LIPK: variants seen among roughly 807,000 people sequenced by gnomAD.
LIPK encodes the protein lipase family member K.
In LIPK, 32 loss-of-function variants were observed where a neutral mutation model predicts 48.6. The ratio of observed to expected loss-of-function variants is 0.66; its 90% CI spans 0.50 to 0.88. The LOEUF (loss-of-function observed/expected upper bound fraction) is 0.88, where lower values mean the gene tolerates loss of function less well. Among genes scored for constraint, LIPK ranks in the 40% least tolerant of loss-of-function variants. The pLI is 0.00. For missense variants in LIPK, 507 were observed against 478.5 expected (o/e 1.06, Z -0.56); for synonymous variants, 164 against 157.4 (o/e 1.04, Z -0.32).
chr10:88,717,876 T>G (rs1842149295), intron 1 of LIPK, among the ~76,000 whole-genome samples: 1 of 150,644 alleles, frequency 6.6e-6, no homozygotes, highest in South Asian at 2.1e-4. Context: ...CTTGTATTAT[T>G]TAATGTTTTT....
intron 9 of LIPK, among the ~76,000 whole-genome samples, chr10:88,748,897 A>G (rs914499818): frequency 8.6e-5 from 13 of 151,184 alleles, no homozygotes; most frequent in African/African-American, 3.2e-4. Context: ...AAAACCCCAT[A>G]GTCTCATTCT....
chr10:88,709,290 ATTTT>A (rs1841986744), intron 1 of LIPK, among the ~76,000 whole-genome samples: 1 of 150,732 alleles, frequency 6.6e-6, no homozygotes, highest in Non-Finnish European at 1.5e-5. Context: ...AAATTATTTT[ATTTT>A]TTTATTATAC....
At chr10:88,729,294 C>G (rs1269754678) in intron 3 of LIPK, among the ~76,000 whole-genome samples, 2 of 146,178 alleles carry the variant, frequency 1.4e-5, no homozygotes, top group Non-Finnish European at 3.0e-5. Flanking sequence ...TTCCCAGAAA[C>G]TATTTGCTCT....
Position 88,709,804 on chromosome 10 carries a change from C to T in LIPK, c.-12+3484C>T, listed in dbSNP as rs191965822. On this transcript the variant is annotated intron_variant, in intron 1 of 9. Transcript: ENST00000404190. ...GCCATTTATACAGCCTAGAACAATT[C>T]ACATCGTAAGATTCAGGAAAGGAGA... is the stretch of plus-strand genomic sequence containing the variant. Among the ~76,000 whole-genome samples, 141 of 152,156 alleles carry T rather than the reference C, an allele frequency of 9.3e-4. 2 individuals carry two copies. The East Asian group carries it at 0.015, about 17-fold the overall frequency.
chr10:88,744,052 G>A lies in LIPK; in HGVS notation c.960+731G>A, dbSNP rs141513774. Reference sequence around the variant, plus strand: ...GGCTCGCCAAGCACCTCTAGGTAGCGCTGGCCTTTGTTGACTGTTGAACCT... The same window carrying A: ...GGCTCGCCAAGCACCTCTAGGTAGCACTGGCCTTTGTTGACTGTTGAACCT... On this transcript the variant is annotated intron_variant, in intron 9 of 9. Transcript: ENST00000404190. Among the ~76,000 whole-genome samples the A allele has an allele frequency of 1.0e-3, 153 of 152,304 alleles. 1 individual carries two copies. The East Asian group carries it at 0.018, about 17-fold the overall frequency.
rs779080302 is a variant in LIPK at position 88,737,704 on chromosome 10, A to C, written c.739A>C (p.Asn247His). ...CCAATTCATTGCCACCAAAGTGTGC[A>C]ATCGAAAGCTATTCCGTCGTATTTG... Reference protein sequence around the residue: ...FDQFIATKVCNRKLFRRICSN... With the variant: ...FDQFIATKVCHRKLFRRICSN... Residue 247 changes from asparagine to histidine, a missense_variant, in exon 7 of 10, where the codon AAT (asparagine) becomes CAT (histidine). Asn to His is a moderately conservative substitution (Grantham distance 68). Transcript: ENST00000404190. The C allele has an allele frequency of 1.2e-6, 2 of 1,613,846 alleles. No homozygotes were observed. Among genetic ancestry groups the C allele is most frequent in the Admixed American group, 1.7e-5 (1 of 60,006 alleles).
chr10:88,742,197 A>T (rs575658064), intron 8 of LIPK, among the ~76,000 whole-genome samples: 92 of 152,328 alleles, frequency 6.0e-4, no homozygotes, highest in African/African-American at 1.9e-3. Flanking sequence ...CCCTCACCTG[A>T]CAAGTGTGGT....
At chr10:88,722,889 C>CTTTT (rs398014386) in intron 1 of LIPK, among the ~76,000 whole-genome samples, 1,964 of 113,142 alleles carry the variant, frequency 0.017, 123 homozygotes, top group East Asian at 0.063. Flanking sequence ...TTTCTTTTTT[C>CTTTT]TTTTTTTTTT....
chr10:88,720,071 C>T (rs974569294), intron 1 of LIPK, among the ~76,000 whole-genome samples: 11 of 152,008 alleles, frequency 7.2e-5, no homozygotes, highest in African/African-American at 1.5e-4. Flanking sequence ...GGGCAGGGAG[C>T]GGACAAAAAG....
intron 1 of LIPK, among the ~76,000 whole-genome samples, chr10:88,711,487 C>T (rs1286333613): frequency 6.6e-6 from 1 of 151,986 alleles, no homozygotes; most frequent in Non-Finnish European, 1.5e-5. Context: ...TTTTCCTTTG[C>T]TTTTTGAGAC....
At chr10:88,744,087 A>G (rs1394903675) in intron 9 of LIPK, among the ~76,000 whole-genome samples, 1 of 152,234 alleles carries the variant, frequency 6.6e-6, no homozygotes, top group East Asian at 1.9e-4. Context: ...TGAACAGAAC[A>G]GGGCTATCTT....
In LIPK at chr10:88,743,265, C is replaced by A. The variant is rs747686363; in HGVS notation, c.904C>A (p.Gln302Lys). 6.3e-7 allele frequency: 1 copy of A among 1,588,248 alleles called. No homozygotes were observed. The highest frequency in any genetic ancestry group is 8.6e-7 in the Non-Finnish European group (1 of 1,165,008). Residue 302 changes from glutamine (Q) to lysine (K), a missense_variant, in exon 9 of 10, where the codon CAG becomes AAG. Physicochemically the swap from Gln to Lys is moderately conservative, Grantham distance 53. Transcript: ENST00000404190. ...TTTATTTTAGGCTGTTAATTCTGGT[C>A]AGCTCCAAGCTTTTGATTGGGGAAA... The part of the protein sequence containing the change: ...LHWAQAVNSG[Q>K]LQAFDWGNSD...
rs545327086 is a variant in LIPK at position 88,723,459 on chromosome 10, A to AT, written c.-11-1071dup. Among the ~76,000 whole-genome samples, 620 of 152,234 alleles carry AT rather than the reference A, an allele frequency of 4.1e-3. 5 individuals carry two copies. The highest frequency in any genetic ancestry group is 0.014 in the African/African-American group (593 of 41,542). ...CAGGGAGGGTGTATTTTCTAACATA[A>AT]TTTGAAGATCTGTATTTTATAAGTA... On this transcript the variant is annotated intron_variant, in intron 1 of 9. Transcript: ENST00000404190.
At chr10:88,739,955 T>G in intron 7 of LIPK, 41 bp from the exon 8 acceptor site, 8 of 1,267,152 alleles carry the variant, frequency 6.3e-6, no homozygotes, top group Non-Finnish European at 8.0e-6. Context: ...TGTGGTATGA[T>G]GATATGATTA....
At position 88,732,200 on chromosome 10, in the gene LIPK, GACCTTCCAGCC is replaced by G. The variant is rs773388980; in HGVS notation, c.448_458del (p.Leu150AsnfsTer37). 2.7e-5 allele frequency: 44 copies of G among 1,600,686 alleles called. No homozygotes were observed. Among genetic ancestry groups the G allele is most frequent in the Non-Finnish European group, 3.5e-5 (41 of 1,172,604 alleles). On this transcript the variant is annotated frameshift_variant, in exon 5 of 10. Coordinates refer to ENST00000404190, the MANE Select transcript of LIPK (RefSeq NM_001080518.2). LOFTEE classifies it high-confidence loss of function. ...TAGTTTGGATGAGATGGCTAAATAT[GACCTTCCAGCC>G]ACAATCAATTTTATCATAGAGAAAA...
Sources: gnomAD v4.1 joint callset for allele counts (sites outside exome capture counted in the v4.1 genomes callset) on GRCh38, gnomAD v4.1.1 for gene constraint, MANE v1.5 for transcripts, NCBI Gene and HGNC (gene_info 2026-07-23, HGNC 2026-07-21) for gene names.